Variants in CNR2 observed in about 807,000 individuals in gnomAD.
CNR2 encodes the protein cannabinoid receptor 2.
For synonymous variants in CNR2, 172 were observed against 182.2 expected, an observed-to-expected ratio of 0.94 and a Z score of 0.45; for missense variants, 379 against 439.9, an observed-to-expected ratio of 0.86 and a Z score of 1.24.
intron 1 of CNR2, chr1:23,901,502 C>T: frequency 1.3e-6 from 2 of 1,587,842 alleles, no homozygotes; most frequent in Non-Finnish European, 1.7e-6. Context: ...AGGGATCTGC[C>T]CACCCTGGAC....
intron 1 of CNR2, among the ~76,000 whole-genome samples, chr1:23,908,044 GATCTTGGCTCACTGCAACCTCC>G (rs2148471938): frequency 7.7e-6 from 1 of 130,032 alleles, no homozygotes; most frequent in Non-Finnish European, 1.5e-5. Context: ...GCAGTGGCGT[GATCTTGGCTCACTGCAACCTCC>G]GGCTCTCTGG....
intron 1 of CNR2, among the ~76,000 whole-genome samples, chr1:23,912,491 G>A (rs1038653071): frequency 5.3e-5 from 8 of 152,236 alleles, no homozygotes; most frequent in Admixed American, 1.3e-4. Context: ...CCGCGAAGCC[G>A]GAGTGCCTAG....
At chr1:23,882,807 G>A (rs1369500509) in intron 1 of CNR2, among the ~76,000 whole-genome samples, 5 of 152,080 alleles carry the variant, frequency 3.3e-5, no homozygotes, top group Non-Finnish European at 5.9e-5. Context: ...ACAACAGAGC[G>A]AGACTCTGTT....
chr1:23,882,651 CAAA>C (rs34245051), intron 1 of CNR2, among the ~76,000 whole-genome samples: 2 of 112,680 alleles, frequency 1.8e-5, no homozygotes, highest in African/African-American at 3.5e-5. Context: ...ACTAAAAATA[CAAA>C]AAAAAAAAAA....
intron 1 of CNR2, among the ~76,000 whole-genome samples, chr1:23,910,672 A>AG (rs1478705616): frequency 2.7e-5 from 4 of 150,452 alleles, no homozygotes; most frequent in Non-Finnish European, 5.9e-5. Flanking sequence ...AAAAAAAAAA[A>AG]AAAAAAAGAA....
intron 1 of CNR2, among the ~76,000 whole-genome samples, chr1:23,887,135 G>A (rs957383416): frequency 6.6e-6 from 1 of 152,114 alleles, no homozygotes; most frequent in African/African-American, 2.4e-5. Context: ...CCTTTGTTGA[G>A]TGTTGTCAAG....
intron 1 of CNR2, among the ~76,000 whole-genome samples, chr1:23,892,745 G>A (rs1487725983): frequency 6.6e-6 from 1 of 152,202 alleles, no homozygotes; most frequent in Non-Finnish European, 1.5e-5. Flanking sequence ...GGCTGGGGGT[G>A]GTGGCTCATG....
In CNR2 at chr1:23,873,998, G is replaced by A. The variant is rs968746692; in HGVS notation, c.*537C>T. 3.3e-5 allele frequency: 5 copies of A among 153,548 alleles called. No homozygotes were observed. Among genetic ancestry groups the A allele is most frequent in the African/African-American group, 1.2e-4 (5 of 41,460 alleles). 9.5% of individuals were successfully genotyped at this position (153,548 alleles called of 1,614,324 possible). ...AGGCTTGTCATTTATCTCTGAAAGAGGCAAGTCAACACCTTAATCCTCATC... is the reference window on the plus strand; with the variant it reads ...AGGCTTGTCATTTATCTCTGAAAGAAGCAAGTCAACACCTTAATCCTCATC... On this transcript the variant is annotated 3_prime_UTR_variant, in exon 2 of 2. Transcript: ENST00000374472.
At chr1:23,888,922 T>C (rs1640137017) in intron 1 of CNR2, among the ~76,000 whole-genome samples, 1 of 151,972 alleles carries the variant, frequency 6.6e-6, no homozygotes, top group Admixed American at 6.6e-5. Flanking sequence ...TGAGCTGAGA[T>C]TGCGCCACTG....
chr1:23,901,222 G>A (rs1050609942), intron 1 of CNR2, among the ~76,000 whole-genome samples: 2 of 152,054 alleles, frequency 1.3e-5, no homozygotes, highest in Non-Finnish European at 2.9e-5. Flanking sequence ...GGGGATCTGG[G>A]GCCTGTCTTG....
At chr1:23,899,165 A>G (rs116257415) in intron 1 of CNR2, among the ~76,000 whole-genome samples, 143 of 152,250 alleles carry the variant, frequency 9.4e-4, no homozygotes, top group African/African-American at 3.2e-3. Context: ...GATCTTATCT[A>G]TGAGGAACCA....
intron 1 of CNR2, among the ~76,000 whole-genome samples, chr1:23,881,211 G>C (rs1314752246): frequency 6.6e-6 from 1 of 151,868 alleles, no homozygotes; most frequent in Non-Finnish European, 1.5e-5. Flanking sequence ...AGGAGGCGGA[G>C]TTTGCAGTGA....
intron 1 of CNR2, chr1:23,902,131 G>A: frequency 1.4e-6 from 2 of 1,424,402 alleles, no homozygotes; most frequent in African/African-American, 1.4e-5. Context: ...CTTGTTTCGT[G>A]GGGTGACTGG....
intron 1 of CNR2, among the ~76,000 whole-genome samples, chr1:23,912,707 A>G (rs2148473669): frequency 6.6e-6 from 1 of 152,302 alleles, no homozygotes; most frequent in Non-Finnish European, 1.5e-5. Flanking sequence ...CTGTAATGAA[A>G]TGAAAGCCAA....
At chr1:23,875,724 G>C in intron 1 of CNR2, 62 bp from the exon 2 acceptor site, 1 of 1,355,590 alleles carries the variant, frequency 7.4e-7, no homozygotes, top group Non-Finnish European at 1.0e-6. Flanking sequence ...GACCTCACCT[G>C]ATAACTGACT....
chr1:23,875,621 G>A lies in CNR2; in HGVS notation c.-4C>T. The A allele has an allele frequency of 7.5e-6, 12 of 1,591,042 alleles. No individual in the cohort carries two copies. The highest frequency in any genetic ancestry group is 7.7e-6 in the Non-Finnish European group (9 of 1,166,044). On this transcript the variant is annotated 5_prime_UTR_variant, in exon 2 of 2. Coordinates refer to ENST00000374472, the MANE Select transcript of CNR2 (RefSeq NM_001841.3). ...CTGTCACCCAGCATTCCTCCATGGGGTGGGCCCTTCAGATTCCACTGAGCT... is the reference window on the plus strand; with the variant it reads ...CTGTCACCCAGCATTCCTCCATGGGATGGGCCCTTCAGATTCCACTGAGCT...
intron 1 of CNR2, among the ~76,000 whole-genome samples, chr1:23,891,464 C>T (rs529493283): frequency 1.1e-4 from 16 of 151,886 alleles, no homozygotes; most frequent in African/African-American, 3.4e-4. Flanking sequence ...ACTAAAAATA[C>T]AAAAATTGGC....
intron 1 of CNR2, among the ~76,000 whole-genome samples, chr1:23,897,979 C>A: frequency 6.6e-6 from 1 of 151,908 alleles, no homozygotes; most frequent in Non-Finnish European, 1.5e-5. Context: ...AGCACTGTGT[C>A]CTTTTCTGTT....
chr1:23,907,422 A>C (rs1336917446), intron 1 of CNR2, among the ~76,000 whole-genome samples: 2 of 151,770 alleles, frequency 1.3e-5, no homozygotes, highest in East Asian at 1.9e-4. Flanking sequence ...AAAAAAAAAA[A>C]AAAACAAGAG....
Sources: allele counts gnomAD v4.1 joint callset (sites outside exome capture counted in the v4.1 genomes callset), GRCh38; gene constraint gnomAD v4.1.1; transcripts MANE v1.5; gene names NCBI Gene and HGNC (gene_info 2026-07-23, HGNC 2026-07-21).